The following FRAS1 variants were observed in gnomAD, a reference collection of about 807,000 sequenced individuals.
The protein encoded by FRAS1 is extracellular matrix organizing protein FRAS1.
FRAS1 carries 290 observed loss-of-function variants against 435.2 expected under a neutral mutation model. That is an observed-to-expected ratio of 0.67 (90% CI 0.61 to 0.73). FRAS1 has a LOEUF of 0.73. FRAS1 is among the 30% of genes least tolerant of loss of function. The pLI is 0.00. For synonymous variants in FRAS1, 1,800 were observed against 1,851.0 expected (o/e 0.97, Z 0.71); for missense variants, 4,860 against 5,001.5 (o/e 0.97, Z 0.85).
chr4:78,487,569 A>G (rs1357527652), intron 58 of FRAS1, among the ~76,000 whole-genome samples: 1 of 152,188 alleles, frequency 6.6e-6, no homozygotes, highest in Non-Finnish European at 1.5e-5. Flanking sequence ...TGAATAAATT[A>G]ATAACCAGCA....
intron 14 of FRAS1, among the ~76,000 whole-genome samples, chr4:78,295,150 A>G (rs1338931941): frequency 6.6e-6 from 1 of 152,204 alleles, no homozygotes; most frequent in Non-Finnish European, 1.5e-5. Flanking sequence ...CATTTAGCCA[A>G]TCCTCTATGG....
chr4:78,387,389 G>A lies in FRAS1; in HGVS notation c.3663G>A (p.Leu1221=), dbSNP rs777962377. 17 of 1,608,544 alleles carry A rather than the reference G, an allele frequency of 1.1e-5. No homozygotes were observed. Among genetic ancestry groups the A allele is most frequent in the Non-Finnish European group, 1.4e-5 (16 of 1,176,750 alleles). The change falls in exon 29 of 74, where the codon CTG becomes CTA. Residue 1221 remains leucine (L), a synonymous_variant. Transcript: ENST00000512123. ...CAACTCCACAGGCCCCCTATGTGCTGAGAAATGAAGTTCTCCACATTAGCA... is the reference window on the plus strand; with the variant it reads ...CAACTCCACAGGCCCCCTATGTGCTAAGAAATGAAGTTCTCCACATTAGCA... ...QAFSTQAPYV[L]RNEVLHISRG... is the part of the protein sequence containing the mutation.
intron 63 of FRAS1, among the ~76,000 whole-genome samples, chr4:78,509,866 T>G (rs756185603): frequency 3.9e-5 from 6 of 152,254 alleles, no homozygotes; most frequent in Non-Finnish European, 7.3e-5. Context: ...TGAATGATTT[T>G]AGACATCAGA....
intron 68 of FRAS1, among the ~76,000 whole-genome samples, chr4:78,522,250 G>A (rs760310604): frequency 1.1e-4 from 17 of 152,106 alleles, no homozygotes; most frequent in Non-Finnish European, 2.4e-4. Context: ...ACTTTTATCT[G>A]ATGCTGATAT....
chr4:78,285,386 A>G (rs1047129517), intron 13 of FRAS1, among the ~76,000 whole-genome samples: 4 of 151,070 alleles, frequency 2.6e-5, no homozygotes, highest in African/African-American at 7.3e-5. Context: ...AAAAGTGTGT[A>G]GGTTCATACC....
At chr4:78,418,489 A>G (rs60286513) in intron 32 of FRAS1, among the ~76,000 whole-genome samples, 4,128 of 152,240 alleles carry the variant, frequency 0.027, 198 homozygotes, top group African/African-American at 0.093. Context: ...TCAGAGGAGC[A>G]GCAGTGAGCT....
intron 2 of FRAS1, chr4:78,181,774 C>G (rs1358071689): frequency 1.1e-5 from 18 of 1,610,842 alleles, no homozygotes; most frequent in Middle Eastern, 2.2e-4. Context: ...TCTCCTCTTT[C>G]TTGTCAACCA....
chr4:78,059,640 G>C (rs1477816702), intron 1 of FRAS1, among the ~76,000 whole-genome samples: 1 of 151,768 alleles, frequency 6.6e-6, no homozygotes, highest in Non-Finnish European at 1.5e-5. Flanking sequence ...TTAAAATTTA[G>C]AGTCCTATCC....
intron 9 of FRAS1, among the ~76,000 whole-genome samples, chr4:78,278,163 T>G (rs1190499492): frequency 6.6e-6 from 1 of 152,192 alleles, no homozygotes; most frequent in Non-Finnish European, 1.5e-5. Flanking sequence ...TTCAGAATAC[T>G]GAGTAAAATT....
intron 4 of FRAS1, among the ~76,000 whole-genome samples, chr4:78,251,827 G>C (rs1254216630): frequency 1.3e-5 from 2 of 152,184 alleles, no homozygotes. Context: ...TCCTTGGTCT[G>C]TGCAACTCAG....
Position 78,282,815 on chromosome 4 carries a change from CG to C in FRAS1, c.1108-4del. 6.2e-7 allele frequency: 1 copy of C among 1,612,258 alleles called. No individual in the cohort carries two copies. On this transcript the variant is annotated splice_region_variant and splice_polypyrimidine_tract_variant and intron_variant, in intron 11 of 73. Coordinates refer to ENST00000512123, the MANE Select transcript of FRAS1 (RefSeq NM_025074.7). ...GACAATGCTGTTCTTCACTTTTTTG[CG>C]TAGGAGGGAGAGAAGTGGGAAGATG...
intron 28 of FRAS1, among the ~76,000 whole-genome samples, chr4:78,385,338 C>A (rs182341598): frequency 3.3e-5 from 5 of 152,270 alleles, no homozygotes; most frequent in African/African-American, 1.2e-4. Flanking sequence ...TCATGTTATT[C>A]ATGATTCAAG....
chr4:78,227,456 G>C (rs1273579890), intron 2 of FRAS1, among the ~76,000 whole-genome samples: 1 of 152,194 alleles, frequency 6.6e-6, no homozygotes, highest in Non-Finnish European at 1.5e-5. Context: ...ACATCATGAG[G>C]CTGAGTCACT....
intron 34 of FRAS1, 68 bp downstream of exon 34, chr4:78,422,068 T>C: frequency 6.6e-7 from 1 of 1,507,482 alleles, no homozygotes; most frequent in Non-Finnish European, 8.9e-7. Context: ...AGGCTCGCCC[T>C]AACTCTCCCT....
intron 2 of FRAS1, among the ~76,000 whole-genome samples, chr4:78,068,288 C>T (rs1195055650): frequency 1.3e-5 from 2 of 151,924 alleles, no homozygotes; most frequent in African/African-American, 4.8e-5. Flanking sequence ...AAGGTGGCTA[C>T]TTTAGATAGG....
At chr4:78,507,882 C>T (rs1344024412) in intron 62 of FRAS1, among the ~76,000 whole-genome samples, 1 of 152,100 alleles carries the variant, frequency 6.6e-6, no homozygotes, top group African/African-American at 2.4e-5. Flanking sequence ...AAGCCCCCGA[C>T]AACAAAAGTA....
chr4:78,535,319 C>T (rs1368804911), intron 71 of FRAS1, among the ~76,000 whole-genome samples: 1 of 152,202 alleles, frequency 6.6e-6, no homozygotes, highest in Non-Finnish European at 1.5e-5. Context: ...GAACTTCTTA[C>T]ACTCCTACTG....
At chr4:78,264,509 C>G (rs867349409) in intron 6 of FRAS1, among the ~76,000 whole-genome samples, 8 of 152,192 alleles carry the variant, frequency 5.3e-5, no homozygotes, top group African/African-American at 1.9e-4. Context: ...AGTAGCTTAT[C>G]AAAGGAAGGA....
rs1462783500 is a variant in FRAS1 at position 78,387,521 on chromosome 4, GCTTCAGACA to G, written c.3802_3810del (p.Thr1268_Gln1270del). 6.2e-7 allele frequency: 1 copy of G among 1,613,354 alleles called. No individual in the cohort carries two copies. The highest frequency in any genetic ancestry group is 8.5e-7 in the Non-Finnish European group (1 of 1,179,806). ...TCGATCCTCCACTTCATGGCCAATT[GCTTCAGACA>G]CTTCAGTCCCCGGCAACCCCTATCT... On this transcript the variant is annotated inframe_deletion, in exon 29 of 74. Transcript: ENST00000512123.
Sources: allele counts gnomAD v4.1 joint callset (sites outside exome capture counted in the v4.1 genomes callset), GRCh38; gene constraint gnomAD v4.1.1; transcripts MANE v1.5; gene names NCBI Gene and HGNC (gene_info 2026-07-23, HGNC 2026-07-21).